Variants in LRMDA observed in about 807,000 individuals in gnomAD.
The protein encoded by LRMDA is leucine rich melanocyte differentiation associated, also known as leucine-rich melanocyte differentiation-associated protein.
LRMDA carries 18 observed loss-of-function variants against 29.8 expected under a neutral mutation model. The ratio of observed to expected loss-of-function variants is 0.60; its 90% CI spans 0.42 to 0.90. The LOEUF (loss-of-function observed/expected upper bound fraction) is 0.90, where lower values mean the gene tolerates loss of function less well. LRMDA is among the 40% of genes least tolerant of loss of function. The pLI is 0.00. For synonymous variants in LRMDA, 125 were observed against 109.4 expected (o/e 1.14, Z -0.89); for missense variants, 273 against 273.9 (o/e 1.00, Z 0.02).
chr10:76,126,384 T>C (rs958398481), intron 5 of LRMDA, among the ~76,000 whole-genome samples: 1 of 152,254 alleles, frequency 6.6e-6, no homozygotes, highest in African/African-American at 2.4e-5. Context: ...GGGTTCTGTT[T>C]GTTTTTTCAT....
chr10:76,404,054 A>G (rs1841877447), intron 6 of LRMDA, among the ~76,000 whole-genome samples: 1 of 152,090 alleles, frequency 6.6e-6, no homozygotes, highest in South Asian at 2.1e-4. Context: ...CCAATTGCCC[A>G]TGAGTCACCT....
chr10:76,124,513 G>C (rs929791137), intron 5 of LRMDA, among the ~76,000 whole-genome samples: 13 of 152,200 alleles, frequency 8.5e-5, no homozygotes, highest in Non-Finnish European at 1.8e-4. Flanking sequence ...CTATATTTTG[G>C]TATGTTCTTA....
At chr10:75,602,758 C>G (rs1840903503) in intron 2 of LRMDA, among the ~76,000 whole-genome samples, 1 of 152,024 alleles carries the variant, frequency 6.6e-6, no homozygotes, top group Non-Finnish European at 1.5e-5. Flanking sequence ...AGTGTTGGCT[C>G]ATATTGTTTG....
intron 2 of LRMDA, among the ~76,000 whole-genome samples, chr10:76,028,190 A>AT (rs908940009): frequency 6.6e-6 from 1 of 152,164 alleles, no homozygotes; most frequent in Admixed American, 6.5e-5. Context: ...GGATATAAAT[A>AT]TTTTTATTAG....
chr10:76,241,354 C>T, intron 5 of LRMDA, among the ~76,000 whole-genome samples: 1 of 152,146 alleles, frequency 6.6e-6, no homozygotes, highest in Non-Finnish European at 1.5e-5. Context: ...GTAAGGTTCC[C>T]AACCAACCTT....
chr10:75,478,823 T>G (rs1362532782), intron 2 of LRMDA, among the ~76,000 whole-genome samples: 1 of 152,162 alleles, frequency 6.6e-6, no homozygotes, highest in Non-Finnish European at 1.5e-5. Flanking sequence ...ACAGTGATGG[T>G]GAGTTAGAAA....
intron 2 of LRMDA, among the ~76,000 whole-genome samples, chr10:75,561,878 G>A (rs1291803425): frequency 3.3e-5 from 5 of 152,060 alleles, no homozygotes; most frequent in Non-Finnish European, 7.3e-5. Context: ...TAGTTTGATT[G>A]CACCGTGGCC....
intron 6 of LRMDA, among the ~76,000 whole-genome samples, chr10:76,526,026 C>G (rs887830960): frequency 1.3e-5 from 2 of 152,108 alleles, no homozygotes; most frequent in Non-Finnish European, 2.9e-5. Flanking sequence ...AATTTGCAAC[C>G]TAAACCTGGT....
intron 2 of LRMDA, among the ~76,000 whole-genome samples, chr10:75,868,849 G>A (rs1013143005): frequency 2.0e-5 from 3 of 152,134 alleles, no homozygotes; most frequent in African/African-American, 7.2e-5. Context: ...TTCTCCACCA[G>A]GGTCCTTAAC....
intron 5 of LRMDA, among the ~76,000 whole-genome samples, chr10:76,210,106 T>C (rs556724968): frequency 2.6e-5 from 4 of 152,332 alleles, no homozygotes; most frequent in African/African-American, 9.6e-5. Flanking sequence ...TTGGCTTAAT[T>C]ACACATAATT....
intron 4 of LRMDA, among the ~76,000 whole-genome samples, chr10:76,057,818 T>C (rs1280719848): frequency 6.6e-6 from 1 of 152,234 alleles, no homozygotes; most frequent in Non-Finnish European, 1.5e-5. Context: ...TCTTGGTTAG[T>C]GATTGTCCCT....
chr10:76,324,288 G>A, intron 5 of LRMDA, 113 bp from the exon 6 acceptor site: 1 of 912,476 alleles, frequency 1.1e-6, no homozygotes, highest in Non-Finnish European at 1.8e-6. Flanking sequence ...AAGTATCTTG[G>A]TGAATAATAT....
intron 6 of LRMDA, among the ~76,000 whole-genome samples, chr10:76,554,050 T>C (rs1317682356): frequency 6.6e-6 from 1 of 152,118 alleles, no homozygotes; most frequent in East Asian, 1.9e-4. Context: ...CAAATTTAGA[T>C]TGACTGAGGT....
intron 5 of LRMDA, among the ~76,000 whole-genome samples, chr10:76,060,178 A>G (rs940092418): frequency 6.6e-6 from 1 of 152,210 alleles, no homozygotes; most frequent in Non-Finnish European, 1.5e-5. Context: ...CTGGGTTATT[A>G]TAAATAACCT....
Position 76,071,519 on chromosome 10 carries a change from T to G in LRMDA, c.516+12736T>G, listed in dbSNP as rs529550920. On this transcript the variant is annotated intron_variant, in intron 5 of 6. Transcript: ENST00000611255. ...CAATACCAACTTGCAGCCTCTACAC[T>G]TTTAGATGCCAGAGGCCTAAGCTGA... is the stretch of plus-strand genomic sequence containing the variant. Among the ~76,000 whole-genome samples the G allele has an allele frequency of 1.8e-3, 277 of 152,334 alleles. 1 individual carries two copies. Among genetic ancestry groups the G allele is most frequent in the Non-Finnish European group, 3.6e-3 (244 of 68,022 alleles).
chr10:75,764,035 C>T (rs1843129922), intron 2 of LRMDA, among the ~76,000 whole-genome samples: 1 of 152,128 alleles, frequency 6.6e-6, no homozygotes, highest in South Asian at 2.1e-4. Context: ...GAACTGCTTG[C>T]CAGTGAATCT....
chr10:75,508,266 TC>T (rs906463328), intron 2 of LRMDA, among the ~76,000 whole-genome samples: 4 of 134,176 alleles, frequency 3.0e-5, no homozygotes, highest in South Asian at 2.4e-4. Context: ...GGTGTTTTTT[TC>T]CCCCCCTCTC....
chr10:75,653,980 CG>C (rs1350948270), intron 2 of LRMDA, among the ~76,000 whole-genome samples: 3 of 152,140 alleles, frequency 2.0e-5, no homozygotes, highest in Non-Finnish European at 4.4e-5. Flanking sequence ...GTAAAGTCCC[CG>C]GGTTGGCCTC....
chr10:76,553,497 A>C (rs539372489), intron 6 of LRMDA, among the ~76,000 whole-genome samples: 1 of 152,220 alleles, frequency 6.6e-6, no homozygotes, highest in Non-Finnish European at 1.5e-5. Context: ...GGCAGTTGCC[A>C]TGGCGGGAGA....
Sources: gnomAD v4.1 joint callset for allele counts (sites outside exome capture counted in the v4.1 genomes callset) on GRCh38, gnomAD v4.1.1 for gene constraint, MANE v1.5 for transcripts, NCBI Gene and HGNC (gene_info 2026-07-23, HGNC 2026-07-21) for gene names.